Variants in RYR2 observed in about 807,000 individuals in gnomAD.
The protein encoded by RYR2 is cardiac muscle ryanodine receptor-calcium release channel.
RYR2 carries 227 observed loss-of-function variants against 601.1 expected under a neutral mutation model. The ratio of observed to expected loss-of-function variants is 0.38; its 90% CI spans 0.34 to 0.42. The LOEUF is 0.42. RYR2 is among the 10% of genes least tolerant of loss of function. The pLI is 1.00. For missense variants in RYR2, 4,646 were observed against 6,156.5 expected (o/e 0.75, Z 8.21); for synonymous variants, 2,223 against 2,175.1 (o/e 1.02, Z -0.61).
intron 1 of RYR2, among the ~76,000 whole-genome samples, chr1:237,113,348 G>A (rs1160097218): frequency 3.3e-5 from 5 of 151,916 alleles, no homozygotes; most frequent in Admixed American, 1.3e-4. Flanking sequence ...ACAGGTGTGC[G>A]CCACCATGCT....
At chr1:237,581,816 A>C (rs1203453870) in intron 29 of RYR2, among the ~76,000 whole-genome samples, 1 of 152,164 alleles carries the variant, frequency 6.6e-6, no homozygotes, top group Non-Finnish European at 1.5e-5. Flanking sequence ...ATTATTGGGA[A>C]TCTCCTTAAT....
At position 237,313,429 on chromosome 1, in the gene RYR2, G is replaced by A. The variant is rs1466985577; in HGVS notation, c.169-17449G>A. Among the ~76,000 whole-genome samples, 4 of 152,142 alleles carry A rather than the reference G, an allele frequency of 2.6e-5. No homozygotes were observed. In the East Asian group the frequency reaches 7.7e-4, roughly 29 times the overall value. On this transcript the variant is annotated intron_variant, in intron 2 of 104. Coordinates refer to ENST00000366574, the MANE Select transcript of RYR2 (RefSeq NM_001035.3). ...CAGAGTGAGATTTGACTGCAGAAGA[G>A]GAGAAGGAGATGTAATGGCTGAAGT...
chr1:237,544,930 G>T (rs887875286), intron 25 of RYR2, among the ~76,000 whole-genome samples: 2 of 152,226 alleles, frequency 1.3e-5, no homozygotes, highest in South Asian at 4.1e-4. Context: ...CTGTACAAAT[G>T]ATTTGTTGTT....
chr1:237,259,533 A>T (rs1462352967), intron 1 of RYR2, among the ~76,000 whole-genome samples: 1 of 36,050 alleles, frequency 2.8e-5, no homozygotes, highest in Admixed American at 3.0e-4. Flanking sequence ...ACCATTTAAA[A>T]AAAAAAAAAA....
At chr1:237,074,739 G>A (rs774308076) in intron 1 of RYR2, among the ~76,000 whole-genome samples, 123 of 152,176 alleles carry the variant, frequency 8.1e-4, no homozygotes, top group Non-Finnish European at 1.1e-3. Flanking sequence ...TCTGTCTTGT[G>A]CCTGGACACT....
At chr1:237,074,787 G>A (rs1355816529) in intron 1 of RYR2, among the ~76,000 whole-genome samples, 1 of 152,164 alleles carries the variant, frequency 6.6e-6, no homozygotes, top group Non-Finnish European at 1.5e-5. Context: ...AGATGATTCA[G>A]GCGATGTTAC....
chr1:237,445,815 T>C (rs748791844), intron 14 of RYR2, among the ~76,000 whole-genome samples: 1 of 152,030 alleles, frequency 6.6e-6, no homozygotes, highest in South Asian at 2.1e-4. Flanking sequence ...AGTTCCTTTT[T>C]CTTTTCCTTT....
intron 32 of RYR2, among the ~76,000 whole-genome samples, chr1:237,593,061 T>A (rs1675408370): frequency 6.6e-6 from 1 of 151,726 alleles, no homozygotes; most frequent in Non-Finnish European, 1.5e-5. Context: ...TGCATACATG[T>A]ATAAGCTTGA....
intron 1 of RYR2, among the ~76,000 whole-genome samples, chr1:237,247,754 A>G (rs1302141631): frequency 6.6e-6 from 1 of 152,174 alleles, no homozygotes; most frequent in African/African-American, 2.4e-5. Flanking sequence ...GTGGCAATGA[A>G]GGAAAGAAAA....
At chr1:237,421,371 G>A (rs1032912956) in intron 11 of RYR2, among the ~76,000 whole-genome samples, 3 of 152,122 alleles carry the variant, frequency 2.0e-5, no homozygotes, top group African/African-American at 4.8e-5. Context: ...ATACTTTAAT[G>A]TGCTATTATT....
At chr1:237,121,840 T>A (rs1190856287) in intron 1 of RYR2, among the ~76,000 whole-genome samples, 1 of 152,160 alleles carries the variant, frequency 6.6e-6, no homozygotes, top group African/African-American at 2.4e-5. Context: ...ATATGGGATA[T>A]AAAAATTTAG....
chr1:237,424,307 A>T (rs1388679589), intron 12 of RYR2, among the ~76,000 whole-genome samples: 1 of 152,226 alleles, frequency 6.6e-6, no homozygotes, highest in Non-Finnish European at 1.5e-5. Flanking sequence ...ATAGATAAAG[A>T]TTTGACTTTG....
chr1:237,142,692 C>T (rs16834891), intron 1 of RYR2, among the ~76,000 whole-genome samples: 5,846 of 152,196 alleles, frequency 0.038, 347 homozygotes, highest in African/African-American at 0.13. Context: ...TGATCTCGTC[C>T]GCACTGTGAG....
chr1:237,586,784 A>G (rs1035009323), intron 29 of RYR2, among the ~76,000 whole-genome samples: 20 of 152,004 alleles, frequency 1.3e-4, no homozygotes, highest in African/African-American at 4.8e-4. Flanking sequence ...TGGTGGTGCA[A>G]TCTAGGCTCA....
At chr1:237,535,279 G>A (rs1402343994) in intron 25 of RYR2, among the ~76,000 whole-genome samples, 2 of 151,816 alleles carry the variant, frequency 1.3e-5, no homozygotes, top group Non-Finnish European at 2.9e-5. Context: ...AGGGGAAAAA[G>A]ACTCTGAAAA....
intron 14 of RYR2, among the ~76,000 whole-genome samples, chr1:237,448,960 T>C (rs1657730444): frequency 6.6e-6 from 1 of 152,174 alleles, no homozygotes; most frequent in African/African-American, 2.4e-5. Flanking sequence ...TTAATCCATT[T>C]ACATTAATAT....
chr1:237,296,195 G>A (rs573285532), intron 2 of RYR2, among the ~76,000 whole-genome samples: 2 of 152,284 alleles, frequency 1.3e-5, no homozygotes, highest in South Asian at 4.1e-4. Flanking sequence ...TCCAGCAGGT[G>A]AAGGGGGTAA....
chr1:237,148,450 C>G (rs1445470902), intron 1 of RYR2, among the ~76,000 whole-genome samples: 1 of 150,032 alleles, frequency 6.7e-6, no homozygotes, highest in Non-Finnish European at 1.5e-5. Context: ...CAGCAAACCA[C>G]CATGGCACAT....
intron 2 of RYR2, among the ~76,000 whole-genome samples, chr1:237,276,465 GAGA>G (rs1452142076): frequency 4.6e-5 from 7 of 152,182 alleles, no homozygotes; most frequent in African/African-American, 1.4e-4. Context: ...TGAAAACTGG[GAGA>G]AGAACAACAA....
Sources: allele counts gnomAD v4.1 joint callset (sites outside exome capture counted in the v4.1 genomes callset), GRCh38; gene constraint gnomAD v4.1.1; transcripts MANE v1.5; gene names NCBI Gene and HGNC (gene_info 2026-07-23, HGNC 2026-07-21).